The following CSMD3 variants were observed in gnomAD, a reference collection of about 807,000 sequenced individuals.
CSMD3 encodes the protein CUB and sushi domain-containing protein 3.
CSMD3 carries 177 observed loss-of-function variants against 435.2 expected under a neutral mutation model. The ratio of observed to expected loss-of-function variants is 0.41; its 90% CI spans 0.36 to 0.46. The LOEUF (loss-of-function observed/expected upper bound fraction) is 0.46, where lower values mean the gene tolerates loss of function less well. Ranked by LOEUF, CSMD3 falls within the 20% of genes least tolerant of loss-of-function variation. The pLI is 0.34. For synonymous variants in CSMD3, 1,656 were observed against 1,520.5 expected (o/e 1.09, Z -2.07); for missense variants, 4,265 against 4,504.6 (o/e 0.95, Z 1.52).
intron 23 of CSMD3, among the ~76,000 whole-genome samples, chr8:112,585,923 AC>A (rs1830688715): frequency 6.6e-6 from 1 of 151,606 alleles, no homozygotes; most frequent in African/African-American, 2.4e-5. Flanking sequence ...TAACAGAAAC[AC>A]CCAAACAATG....
intron 5 of CSMD3, among the ~76,000 whole-genome samples, chr8:113,077,940 A>G (rs940769698): frequency 6.6e-6 from 1 of 152,232 alleles, no homozygotes; most frequent in Admixed American, 6.5e-5. Context: ...GGAAAATTAA[A>G]TCAAATTAAA....
intron 27 of CSMD3, among the ~76,000 whole-genome samples, chr8:112,520,272 G>A (rs1487115773): frequency 1.3e-5 from 2 of 152,030 alleles, no homozygotes; most frequent in African/African-American, 2.4e-5. Flanking sequence ...TAGCAGCTCA[G>A]TTTACACTCA....
At chr8:112,829,881 C>G in intron 11 of CSMD3, 92 bp from the exon 12 acceptor site, 1 of 645,390 alleles carries the variant, frequency 1.5e-6, no homozygotes, top group Non-Finnish European at 2.8e-6. Flanking sequence ...TTCTTTGTCT[C>G]TCTGCACACA....
At chr8:113,258,829 T>C (rs2093404207) in intron 3 of CSMD3, among the ~76,000 whole-genome samples, 1 of 152,152 alleles carries the variant, frequency 6.6e-6, no homozygotes, top group South Asian at 2.1e-4. Context: ...TAGTCTAGTT[T>C]GGTCCAGGGA....
chr8:112,889,476 G>A (rs184004248), intron 10 of CSMD3, among the ~76,000 whole-genome samples: 64 of 151,794 alleles, frequency 4.2e-4, no homozygotes, highest in Admixed American at 1.8e-3. Flanking sequence ...GATTCACACA[G>A]ACCAGCCTAG....
intron 18 of CSMD3, 121 bp downstream of exon 18, chr8:112,656,033 T>C (rs775073979): frequency 1.9e-5 from 12 of 632,866 alleles, no homozygotes; most frequent in Non-Finnish European, 2.8e-5. Flanking sequence ...AACATTCTTA[T>C]AGATGAAGGA....
At chr8:113,390,801 C>T (rs545338646) in intron 1 of CSMD3, among the ~76,000 whole-genome samples, 1 of 152,064 alleles carries the variant, frequency 6.6e-6, no homozygotes, top group African/African-American at 2.4e-5. Context: ...GATGAGTTTA[C>T]ACATTTATTC....
intron 13 of CSMD3, among the ~76,000 whole-genome samples, chr8:112,730,862 A>T (rs2132011801): frequency 6.6e-6 from 1 of 152,308 alleles, no homozygotes. Context: ...AGCTGGAAAT[A>T]AATCCAGACA....
At chr8:112,948,873 T>C (rs567691689) in intron 8 of CSMD3, among the ~76,000 whole-genome samples, 1 of 152,086 alleles carries the variant, frequency 6.6e-6, no homozygotes, top group Admixed American at 6.6e-5. Flanking sequence ...ATGCAATAAA[T>C]CTATGGTAGG....
chr8:113,348,205 T>C (rs2094164698), intron 1 of CSMD3, among the ~76,000 whole-genome samples: 1 of 152,206 alleles, frequency 6.6e-6, no homozygotes, highest in East Asian at 1.9e-4. Flanking sequence ...CCGTTATTAA[T>C]GTATTCGTGT....
At chr8:113,201,146 TGGTCATA>T (rs1400702833) in intron 3 of CSMD3, among the ~76,000 whole-genome samples, 2 of 151,940 alleles carry the variant, frequency 1.3e-5, no homozygotes, top group Non-Finnish European at 2.9e-5. Context: ...TCTTTTCCTA[TGGTCATA>T]GCTCTGCTAA....
chr8:112,739,760 T>C (rs543143857), intron 13 of CSMD3, among the ~76,000 whole-genome samples: 1 of 151,974 alleles, frequency 6.6e-6, no homozygotes, highest in East Asian at 1.9e-4. Context: ...TATAGCATTG[T>C]ATAGATAATA....
chr8:113,190,424 T>G (rs970021550), intron 3 of CSMD3, among the ~76,000 whole-genome samples: 3 of 151,692 alleles, frequency 2.0e-5, no homozygotes, highest in African/African-American at 7.3e-5. Flanking sequence ...GCAAATGCAA[T>G]GACCTTGAAG....
At chr8:113,211,682 C>T (rs2092836698) in intron 3 of CSMD3, among the ~76,000 whole-genome samples, 1 of 151,998 alleles carries the variant, frequency 6.6e-6, no homozygotes, top group Non-Finnish European at 1.5e-5. Context: ...GAGGAAGACT[C>T]CGTCTCAAAA....
intron 16 of CSMD3, among the ~76,000 whole-genome samples, chr8:112,672,353 A>G (rs2075677673): frequency 6.6e-6 from 1 of 152,130 alleles, no homozygotes; most frequent in African/African-American, 2.4e-5. Flanking sequence ...GGAGCAGTTC[A>G]TGGGGGCCTC....
intron 22 of CSMD3, among the ~76,000 whole-genome samples, chr8:112,632,122 C>T (rs2074531264): frequency 6.6e-6 from 1 of 151,870 alleles, no homozygotes; most frequent in African/African-American, 2.4e-5. Flanking sequence ...TTTATTCTTT[C>T]ATATTTTGAA....
intron 40 of CSMD3, among the ~76,000 whole-genome samples, chr8:112,347,951 T>G (rs1248378185): frequency 6.6e-6 from 1 of 152,246 alleles, no homozygotes; most frequent in Non-Finnish European, 1.5e-5. Flanking sequence ...CTTCTAATTC[T>G]GTTACTTTCT....
At chr8:112,936,452 A>C (rs1008416689) in intron 9 of CSMD3, among the ~76,000 whole-genome samples, 1 of 152,130 alleles carries the variant, frequency 6.6e-6, no homozygotes, top group African/African-American at 2.4e-5. Flanking sequence ...ACTCCTATGG[A>C]AACTTAAGAA....
intron 22 of CSMD3, among the ~76,000 whole-genome samples, chr8:112,599,183 AC>A (rs1311842998): frequency 1.4e-5 from 2 of 147,024 alleles, no homozygotes; most frequent in East Asian, 2.0e-4. Flanking sequence ...GAAAAAAAAA[AC>A]AACCCCATCA....
Sources: gnomAD v4.1 joint callset for allele counts (sites outside exome capture counted in the v4.1 genomes callset) on GRCh38, gnomAD v4.1.1 for gene constraint, MANE v1.5 for transcripts, NCBI Gene and HGNC (gene_info 2026-07-23, HGNC 2026-07-21) for gene names.